COL15A1: variants seen among roughly 807,000 people sequenced by gnomAD.
COL15A1 encodes the protein collagen alpha-1(XV) chain.
A neutral mutation model predicts 165.9 loss-of-function variants in COL15A1; 111 were observed. That is an observed-to-expected ratio of 0.67 (90% confidence interval 0.57 to 0.78). The LOEUF is 0.78. Ranked by LOEUF, COL15A1 falls within the 30% of genes least tolerant of loss-of-function variation. The probability of loss-of-function intolerance (pLI) is 0.00; values close to 1 mark genes in which losing one functional copy is unlikely to be tolerated. For missense variants in COL15A1, 1,745 were observed against 1,789.7 expected (o/e 0.98, Z 0.45); for synonymous variants, 659 against 674.8 (o/e 0.98, Z 0.36).
intron 15 of COL15A1, 90 bp from the exon 16 acceptor site, chr9:99,025,814 C>A: frequency 7.1e-7 from 1 of 1,407,670 alleles, no homozygotes; most frequent in Non-Finnish European, 9.9e-7. Context: ...GCCTCACCTG[C>A]CTCCCAACCC....
chr9:99,014,599 T>C (rs919342579), intron 9 of COL15A1, among the ~76,000 whole-genome samples: 4 of 152,200 alleles, frequency 2.6e-5, no homozygotes, highest in Non-Finnish European at 5.9e-5. Flanking sequence ...TCAGAATCCC[T>C]TCTTGGTTGC....
chr9:99,060,926 C>T (rs191127365), intron 36 of COL15A1, among the ~76,000 whole-genome samples: 271 of 152,282 alleles, frequency 1.8e-3, no homozygotes, highest in African/African-American at 6.0e-3. Flanking sequence ...AGAGCATAAA[C>T]AATGTTACAA....
At chr9:99,035,317 G>A (rs1309555661) in intron 18 of COL15A1, 33 bp from the exon 19 acceptor site, 1 of 1,614,146 alleles carries the variant, frequency 6.2e-7, no homozygotes, top group East Asian at 2.2e-5. Flanking sequence ...CCAGGAACTG[G>A]ATCTGAAATT....
At chr9:99,034,729 G>A in intron 17 of COL15A1, 145 bp downstream of exon 17, 2 of 1,417,400 alleles carry the variant, frequency 1.4e-6, no homozygotes, top group African/African-American at 2.9e-5. Context: ...CAAAGGAATT[G>A]CTCAGAGAAG....
intron 2 of COL15A1, among the ~76,000 whole-genome samples, chr9:98,966,661 ACT>A (rs1258331535): frequency 5.9e-5 from 9 of 152,218 alleles, no homozygotes; most frequent in Non-Finnish European, 1.3e-4. Context: ...TAAGAGAGTC[ACT>A]CTCATCTCAG....
At chr9:99,020,512 T>G in intron 12 of COL15A1, 70 bp downstream of exon 12, 17 of 1,119,596 alleles carry the variant, frequency 1.5e-5, no homozygotes, top group South Asian at 2.5e-5. Context: ...TTATTTAGGT[T>G]TGATTTAGCC....
chr9:99,038,833 G>C, intron 22 of COL15A1, 100 bp downstream of exon 22: 1 of 707,026 alleles, frequency 1.4e-6, no homozygotes, highest in Non-Finnish European at 2.6e-6. Context: ...CTGAAGCGTA[G>C]AGCTAGAATA....
At chr9:99,006,515 C>A (rs1362618123) in intron 9 of COL15A1, among the ~76,000 whole-genome samples, 1 of 152,182 alleles carries the variant, frequency 6.6e-6, no homozygotes, top group African/African-American at 2.4e-5. Context: ...TGCTGGGAGA[C>A]CTTGCAGTGT....
At chr9:98,964,522 G>T (rs1259548918) in intron 2 of COL15A1, among the ~76,000 whole-genome samples, 1 of 152,206 alleles carries the variant, frequency 6.6e-6, no homozygotes, top group African/African-American at 2.4e-5. Flanking sequence ...GACACAGTGT[G>T]TTTGACAACA....
chr9:99,068,031 GA>G (rs1166762447), intron 40 of COL15A1, among the ~76,000 whole-genome samples: 1 of 152,184 alleles, frequency 6.6e-6, no homozygotes, highest in Non-Finnish European at 1.5e-5. Flanking sequence ...ATTCCCTCAA[GA>G]AATAAGACAG....
chr9:99,056,246 G>A lies in COL15A1; in HGVS notation c.3193-14G>A. On this transcript the variant is annotated splice_polypyrimidine_tract_variant and intron_variant, in intron 34 of 41. Transcript: ENST00000375001. ...TGATGCTTTCTCTCTGTTATTGTGT[G>A]CTTGCCTTGACAGGGCCAAAAAGGG... 1 of 1,613,618 alleles carries A rather than the reference G, an allele frequency of 6.2e-7. No homozygotes were observed. Among genetic ancestry groups the A allele is most frequent in the Non-Finnish European group, 8.5e-7 (1 of 1,179,502 alleles).
chr9:99,020,564 G>A (rs1839009704), intron 12 of COL15A1, 122 bp downstream of exon 12: 2 of 692,746 alleles, frequency 2.9e-6, no homozygotes, highest in Non-Finnish European at 5.1e-6. Flanking sequence ...AGAGGGCTAA[G>A]CCCAAAAGAA....
chr9:99,035,249 G>A (rs537980434), intron 18 of COL15A1, 95 bp downstream of exon 18: 3 of 1,592,702 alleles, frequency 1.9e-6, no homozygotes, highest in East Asian at 2.2e-5. Context: ...GGCAGAGGCT[G>A]TGCGGATTCC....
At chr9:99,004,813 G>A (rs954870249) in intron 8 of COL15A1, 85 bp from the exon 9 acceptor site, 10 of 1,514,258 alleles carry the variant, frequency 6.6e-6, no homozygotes, top group Non-Finnish European at 8.2e-6. Context: ...GTGCTTTGAG[G>A]GGCCCTGGCC....
chr9:98,994,896 G>C (rs545331899), intron 5 of COL15A1, among the ~76,000 whole-genome samples: 98 of 152,232 alleles, frequency 6.4e-4, no homozygotes, highest in Non-Finnish European at 1.3e-3. Context: ...ACCATGCCCT[G>C]TCCTTGCAGG....
chr9:99,070,113 A>G lies in COL15A1; in HGVS notation c.*227A>G. 1 of 479,920 alleles carries G rather than the reference A, an allele frequency of 2.1e-6. No homozygotes were observed. Among genetic ancestry groups the G allele is most frequent in the South Asian group, 2.7e-5 (1 of 36,674 alleles). The allele number at this position is 479,920 out of a possible 1,614,324, so 29.7% of individuals were successfully genotyped here. On this transcript the variant is annotated 3_prime_UTR_variant, in exon 42 of 42. Coordinates refer to ENST00000375001, the MANE Select transcript of COL15A1 (RefSeq NM_001855.5). ...TCCATATATTGGTGCTAGATTCTGCAGGAAACCCCAGCAGTGTGAACGCAT... is the reference window on the plus strand; with the variant it reads ...TCCATATATTGGTGCTAGATTCTGCGGGAAACCCCAGCAGTGTGAACGCAT...
Position 99,015,495 on chromosome 9 carries a change from G to A in COL15A1, c.1432G>A (p.Ala478Thr), listed in dbSNP as rs774726276. 1 of 1,612,760 alleles carries A rather than the reference G, an allele frequency of 6.2e-7. No homozygotes were observed. Among genetic ancestry groups the A allele is most frequent in the South Asian group, 1.1e-5 (1 of 91,040 alleles). ...CCTCAGTACTTTTGAGGATGAGGAA[G>A]CCAGTGGGGTCCCCACAGATGGCCT... is the stretch of plus-strand genomic sequence containing the variant. ...VSLSTFEDEE[A>T]SGVPTDGLAP... Residue 478 changes from alanine (A) to threonine (T), a missense_variant, in exon 10 of 42, where the codon GCC (alanine) becomes ACC (threonine). Ala to Thr is a moderately conservative substitution (Grantham distance 58). Transcript: ENST00000375001.
chr9:98,959,227 C>CA (rs60892848), intron 2 of COL15A1, among the ~76,000 whole-genome samples: 2,875 of 73,148 alleles, frequency 0.039, 182 homozygotes, highest in African/African-American at 0.12. Flanking sequence ...CCTGTCTCTA[C>CA]AAAAAAAAAA....
chr9:99,044,475 A>C (rs1839462198), intron 24 of COL15A1, 93 bp from the exon 25 acceptor site: 2 of 1,134,264 alleles, frequency 1.8e-6, no homozygotes, highest in Non-Finnish European at 2.7e-6. Flanking sequence ...AGGTCTCTGT[A>C]CAAGGTGGCA....
Sources: gnomAD v4.1 joint callset for allele counts (sites outside exome capture counted in the v4.1 genomes callset) on GRCh38, gnomAD v4.1.1 for gene constraint, MANE v1.5 for transcripts, NCBI Gene and HGNC (gene_info 2026-07-23, HGNC 2026-07-21) for gene names.